Variants in DHRS7B observed in about 807,000 individuals in gnomAD.
The protein encoded by DHRS7B is dehydrogenase/reductase 7B, also known as peroxisomal reductase activating PPAR-gamma.
In DHRS7B, 24 loss-of-function variants were observed where a neutral mutation model predicts 26.4. The observed-to-expected ratio is 0.91, with a 90% CI of 0.66 to 1.28. The LOEUF (loss-of-function observed/expected upper bound fraction) is 1.28. Ranked by LOEUF, DHRS7B falls within the 50% of genes most tolerant of loss-of-function variation. DHRS7B has a pLI of 0.00. For missense variants in DHRS7B, 368 were observed against 419.4 expected, an observed-to-expected ratio of 0.88 and a Z score of 1.07; for synonymous variants, 142 against 166.4, an observed-to-expected ratio of 0.85 and a Z score of 1.13.
chr17:21,180,012 C>T (rs549028409), intron 3 of DHRS7B, among the ~76,000 whole-genome samples: 7 of 151,638 alleles, frequency 4.6e-5, no homozygotes, highest in African/African-American at 9.7e-5. Flanking sequence ...GCGATCCACC[C>T]GCCTGGGGCC....
At chr17:21,173,987 CCTGT>C (rs1335720634) in intron 2 of DHRS7B, among the ~76,000 whole-genome samples, 1 of 152,154 alleles carries the variant, frequency 6.6e-6, no homozygotes, top group Non-Finnish European at 1.5e-5. Flanking sequence ...GGTCACCAGA[CCTGT>C]CTATGTATCA....
chr17:21,152,721 A>G (rs998772910), intron 1 of DHRS7B, among the ~76,000 whole-genome samples: 3 of 152,190 alleles, frequency 2.0e-5, no homozygotes, highest in Non-Finnish European at 2.9e-5. Context: ...CCAGAGTCTA[A>G]CTTACTTTGG....
chr17:21,153,242 C>A (rs749174041), intron 1 of DHRS7B, among the ~76,000 whole-genome samples: 2 of 151,908 alleles, frequency 1.3e-5, no homozygotes, highest in Admixed American at 6.6e-5. Context: ...AAAAGTGATA[C>A]AACAGAAATG....
At chr17:21,162,943 C>G (rs956058618) in intron 1 of DHRS7B, among the ~76,000 whole-genome samples, 2 of 152,062 alleles carry the variant, frequency 1.3e-5, no homozygotes, top group Non-Finnish European at 2.9e-5. Flanking sequence ...CGCCTGTAAT[C>G]TCAGCACTTT....
intron 1 of DHRS7B, among the ~76,000 whole-genome samples, chr17:21,159,749 C>CTA (rs1195125237): frequency 2.0e-5 from 3 of 150,478 alleles, no homozygotes; most frequent in African/African-American, 7.3e-5. Flanking sequence ...TGGTGTGTGC[C>CTA]TATAGTCCTA....
chr17:21,164,870 C>T (rs1233058296), intron 1 of DHRS7B, among the ~76,000 whole-genome samples: 1 of 152,190 alleles, frequency 6.6e-6, no homozygotes, highest in East Asian at 1.9e-4. Flanking sequence ...GAGGTGATCC[C>T]TGGTGTGGGT....
intron 1 of DHRS7B, among the ~76,000 whole-genome samples, chr17:21,137,160 A>G (rs1267562533): frequency 6.6e-6 from 1 of 151,772 alleles, no homozygotes; most frequent in Non-Finnish European, 1.5e-5. Flanking sequence ...TAGTAGAGAC[A>G]GGGTTTCACT....
Position 21,127,011 on chromosome 17 carries a change from G to A in DHRS7B, c.20+20G>A. ...TACCAGGTAGGGGCTGGGGAAGAAG[G>A]AACCTCCGAGATGAGGCGATAGGGT... On this transcript the variant is annotated intron_variant, in intron 1 of 6. Coordinates refer to ENST00000395511, the MANE Select transcript of DHRS7B (RefSeq NM_015510.5). 1 of 1,511,660 alleles carries A rather than the reference G, an allele frequency of 6.6e-7. No homozygotes were observed. The highest frequency in any genetic ancestry group is 8.8e-7 in the Non-Finnish European group (1 of 1,131,890). The allele number at this position is 1,511,660 out of a possible 1,614,324, so 93.6% of individuals were successfully genotyped here. A position where few individuals can be genotyped will look rare whatever the true frequency, so the allele number is the denominator to read the frequency against.
intron 5 of DHRS7B, among the ~76,000 whole-genome samples, chr17:21,188,085 C>T (rs997983046): frequency 2.6e-5 from 4 of 152,030 alleles, no homozygotes; most frequent in Admixed American, 6.5e-5. Flanking sequence ...CTCCTGACCT[C>T]GTGATCCGCT....
intron 1 of DHRS7B, among the ~76,000 whole-genome samples, chr17:21,140,645 T>G (rs1223493134): frequency 6.6e-6 from 1 of 151,942 alleles, no homozygotes; most frequent in Admixed American, 6.6e-5. Context: ...GTTTTTATCT[T>G]AATAGAAAAA....
rs113264062 is a variant in DHRS7B at position 21,130,761 on chromosome 17, A to G, written c.20+3770A>G. On this transcript the variant is annotated intron_variant, in intron 1 of 6. Coordinates refer to ENST00000395511, the MANE Select transcript of DHRS7B (RefSeq NM_015510.5). ...ATGTTGGACTAGAGCAACATCCATAATGTTGGATGGTGTAGGAATTATTCA... is the reference window on the plus strand; with the variant it reads ...ATGTTGGACTAGAGCAACATCCATAGTGTTGGATGGTGTAGGAATTATTCA... Among the ~76,000 whole-genome samples the G allele has an allele frequency of 6.4e-3, 972 of 152,306 alleles. 10 individuals are homozygous for G. Among genetic ancestry groups the G allele is most frequent in the African/African-American group, 0.022 (928 of 41,564 alleles).
intron 1 of DHRS7B, among the ~76,000 whole-genome samples, chr17:21,145,804 T>C (rs1973630696): frequency 6.6e-6 from 1 of 152,242 alleles, no homozygotes; most frequent in African/African-American, 2.4e-5. Context: ...GTAAGCATTC[T>C]GAGCATGTTT....
In DHRS7B at chr17:21,141,640, A is replaced by AAAAAAAAAAAAAAAG; in HGVS notation, c.20+14649_20+14650insAAAAAAAAAAAAAAG. On this transcript the variant is annotated intron_variant, in intron 1 of 6. Transcript: ENST00000395511. ...AAAGCAAAAAAAAAAAAAAAAAAAA[A>AAAAAAAAAAAAAAAG]CAACCTCATCTCAAACTCCACAAAG... Among the ~76,000 whole-genome samples the AAAAAAAAAAAAAAAG allele has an allele frequency of 9.2e-3, 831 of 90,052 alleles. 100 individuals are homozygous for AAAAAAAAAAAAAAAG. Among genetic ancestry groups the AAAAAAAAAAAAAAAG allele is most frequent in the Non-Finnish European group, 0.01 (501 of 48,488 alleles). The allele number at this position is 90,052 out of a possible 152,430, so 59.1% of individuals were successfully genotyped here. A position where few individuals can be genotyped will look rare whatever the true frequency, so the allele number is the denominator to read the frequency against.
At chr17:21,169,029 C>T (rs899332) in intron 1 of DHRS7B, 238,024 of 521,750 alleles carry the variant, frequency 0.46, 57,711 homozygotes, top group Non-Finnish European at 0.49. Context: ...TATTTTCATC[C>T]TGCTCCTCCC....
At chr17:21,128,278 T>G (rs1345749233) in intron 1 of DHRS7B, 2 of 152,206 alleles carry the variant, frequency 1.3e-5, no homozygotes, top group African/African-American at 4.8e-5. Flanking sequence ...AGACCCTGTC[T>G]TGGCTGGGCG....
At chr17:21,164,153 T>G (rs2144072825) in intron 1 of DHRS7B, among the ~76,000 whole-genome samples, 1 of 150,264 alleles carries the variant, frequency 6.7e-6, no homozygotes, top group Admixed American at 6.7e-5. Context: ...CTCAGCCTCC[T>G]GAGTAGCTGG....
intron 3 of DHRS7B, 73 bp downstream of exon 3, chr17:21,178,415 C>A: frequency 7.9e-7 from 1 of 1,262,070 alleles, no homozygotes; most frequent in Admixed American, 1.8e-5. Context: ...AGATAGTGGC[C>A]CACTCCTGGA....
At chr17:21,145,993 C>A (rs79236638) in intron 1 of DHRS7B, among the ~76,000 whole-genome samples, 2,961 of 152,240 alleles carry the variant, frequency 0.019, 111 homozygotes, top group African/African-American at 0.068. Context: ...ATAATTTATC[C>A]ATTTTCTTCG....
intron 2 of DHRS7B, among the ~76,000 whole-genome samples, chr17:21,174,878 A>G (rs949879276): frequency 7.9e-5 from 12 of 152,172 alleles, no homozygotes; most frequent in African/African-American, 2.9e-4. Context: ...GAGTGCAGCC[A>G]TCACCCCCCT....
Sources: gnomAD v4.1 joint callset for allele counts (sites outside exome capture counted in the v4.1 genomes callset) on GRCh38, gnomAD v4.1.1 for gene constraint, MANE v1.5 for transcripts, NCBI Gene and HGNC (gene_info 2026-07-23, HGNC 2026-07-21) for gene names.